ANKRD55: variants seen among roughly 807,000 people sequenced by gnomAD.
The protein encoded by ANKRD55 is ankyrin repeat domain-containing protein 55.
A neutral mutation model predicts 60.6 loss-of-function variants in ANKRD55; 41 were observed. That is an observed-to-expected ratio of 0.68 (90% CI 0.53 to 0.88). ANKRD55 has a LOEUF of 0.88. Among genes scored for constraint, ANKRD55 ranks in the 40% least tolerant of loss-of-function variants. The pLI is 0.00. For synonymous variants in ANKRD55, 264 were observed against 290.3 expected (o/e 0.91, Z 0.92); for missense variants, 732 against 767.6 (o/e 0.95, Z 0.55).
At position 56,159,866 on chromosome 5, in the gene ANKRD55, C is replaced by T. The variant is rs747861739; in HGVS notation, c.450G>A (p.Ser150=). The T allele has an allele frequency of 9.9e-6, 16 of 1,613,474 alleles. No homozygotes were observed. Among genetic ancestry groups the T allele is most frequent in the East Asian group, 2.2e-5 (1 of 44,888 alleles). The change falls in exon 6 of 12, where the codon TCG becomes TCA. Residue 150 remains serine (S), a synonymous_variant. Transcript: ENST00000341048. ...CCTGGTGATTAATCTCGCTGATGTT[C>T]GACTGTTGCAACAGGACCGTGAGGA... ...MRLLTVLLQQ[S]NISEINHQDN... is the part of the protein sequence containing the mutation.
intron 6 of ANKRD55, among the ~76,000 whole-genome samples, chr5:56,153,020 A>C (rs1417408481): frequency 1.3e-5 from 2 of 152,184 alleles, no homozygotes; most frequent in Non-Finnish European, 2.9e-5. Context: ...AGCCTACGAA[A>C]AAGTATTTAC....
intron 6 of ANKRD55, among the ~76,000 whole-genome samples, chr5:56,159,612 C>A (rs1758275394): frequency 6.6e-6 from 1 of 152,182 alleles, no homozygotes; most frequent in African/African-American, 2.4e-5. Context: ...GTACTTAATG[C>A]AATAAAGTCC....
chr5:56,193,453 G>C, intron 2 of ANKRD55: 1 of 509,112 alleles, frequency 2.0e-6, no homozygotes, highest in Non-Finnish European at 3.6e-6. Context: ...TTGCTGTTCC[G>C]ATCTTGCAGT....
chr5:56,117,341 TG>T (rs1445394295), intron 8 of ANKRD55, among the ~76,000 whole-genome samples: 3 of 152,360 alleles, frequency 2.0e-5, no homozygotes, highest in African/African-American at 7.2e-5. Flanking sequence ...AAAGTATAAG[TG>T]TTTTTCTTAC....
intron 5 of ANKRD55, among the ~76,000 whole-genome samples, chr5:56,168,813 G>C (rs1758543263): frequency 6.6e-6 from 1 of 152,170 alleles, no homozygotes; most frequent in Admixed American, 6.5e-5. Context: ...CATGTGGCAG[G>C]GAGCCACCTA....
chr5:56,121,965 C>T, intron 8 of ANKRD55, among the ~76,000 whole-genome samples: 1 of 152,136 alleles, frequency 6.6e-6, no homozygotes, highest in East Asian at 1.9e-4. Flanking sequence ...GGATGAAGGA[C>T]TCTGCCTGTG....
chr5:56,191,673 G>A (rs1028275683), intron 2 of ANKRD55, among the ~76,000 whole-genome samples: 1 of 152,158 alleles, frequency 6.6e-6, no homozygotes, highest in Admixed American at 6.5e-5. Flanking sequence ...TTGGCTAGAT[G>A]ACCACCAAAC....
At chr5:56,173,582 C>CTCTATATATATATA (rs1484157730) in intron 4 of ANKRD55, among the ~76,000 whole-genome samples, 2 of 45,244 alleles carry the variant, frequency 4.4e-5, no homozygotes, top group African/African-American at 1.7e-4. Flanking sequence ...CTCTCTCTCT[C>CTCTATATATATATA]TATATATATA....
intron 7 of ANKRD55, among the ~76,000 whole-genome samples, chr5:56,130,543 A>G (rs1409528623): frequency 2.0e-5 from 3 of 152,170 alleles, no homozygotes; most frequent in Non-Finnish European, 4.4e-5. Context: ...CTAAAGCGCT[A>G]TTTACAGGAG....
chr5:56,153,622 G>A (rs1054617487), intron 6 of ANKRD55, among the ~76,000 whole-genome samples: 7 of 151,976 alleles, frequency 4.6e-5, no homozygotes, highest in Non-Finnish European at 2.9e-5. Context: ...GGTGGATCAC[G>A]AGGTCAGGAG....
At chr5:56,120,596 C>T (rs1757014462) in intron 8 of ANKRD55, among the ~76,000 whole-genome samples, 1 of 152,168 alleles carries the variant, frequency 6.6e-6, no homozygotes, top group Admixed American at 6.5e-5. Flanking sequence ...AGGTGGTCCC[C>T]CTTCAATGGA....
intron 6 of ANKRD55, among the ~76,000 whole-genome samples, chr5:56,145,982 G>A (rs1288506474): frequency 6.6e-6 from 1 of 152,072 alleles, no homozygotes; most frequent in Non-Finnish European, 1.5e-5. Flanking sequence ...TGGGCACACT[G>A]GGGTTAGAAA....
intron 2 of ANKRD55, among the ~76,000 whole-genome samples, chr5:56,221,029 T>C (rs561981408): frequency 9.2e-5 from 14 of 152,332 alleles, no homozygotes; most frequent in African/African-American, 3.4e-4. Flanking sequence ...CTTGTCTTTA[T>C]TTATCTGGAC....
At chr5:56,224,117 C>T (rs1358492146) in intron 2 of ANKRD55, among the ~76,000 whole-genome samples, 11 of 152,148 alleles carry the variant, frequency 7.2e-5, no homozygotes, top group Admixed American at 6.5e-4. Context: ...TGTAAAAGAA[C>T]AGAAATTATA....
At chr5:56,231,696 CAT>C (rs1370627073) in intron 2 of ANKRD55, among the ~76,000 whole-genome samples, 37 of 144,028 alleles carry the variant, frequency 2.6e-4, no homozygotes, top group African/African-American at 7.9e-4. Context: ...CACACACACA[CAT>C]ACACATACAC....
At chr5:56,229,110 T>TCC (rs1554044821) in intron 2 of ANKRD55, among the ~76,000 whole-genome samples, 1 of 148,792 alleles carries the variant, frequency 6.7e-6, no homozygotes, top group African/African-American at 2.5e-5. Flanking sequence ...TTTTTTTTTT[T>TCC]CCCTGTTTTC....
chr5:56,212,091 C>T lies in ANKRD55; in HGVS notation c.58+20765G>A, dbSNP rs539976506. Among the ~76,000 whole-genome samples the T allele has an allele frequency of 4.4e-3, 316 of 72,028 alleles. 2 individuals are homozygous for T. The Middle Eastern group carries it at 0.078, about 18-fold the overall frequency. 47.3% of individuals were successfully genotyped at this position (72,028 alleles called of 152,430 possible). A position where few individuals can be genotyped will look rare whatever the true frequency, so the allele number is the denominator to read the frequency against. On this transcript the variant is annotated intron_variant, in intron 2 of 11. Transcript: ENST00000341048. The stretch of plus-strand genomic sequence containing the variant: ...ACACACACACACACACACACACACG[C>T]GTACCTATAGACCAATTCGGTTTGT...
intron 7 of ANKRD55, chr5:56,137,561 G>T: frequency 6.2e-6 from 4 of 647,374 alleles, no homozygotes; most frequent in Admixed American, 2.4e-5. Flanking sequence ...GCAATTAAAA[G>T]TAAAAGAAAA....
intron 7 of ANKRD55, 131 bp from the exon 8 acceptor site, chr5:56,127,237 G>A: frequency 2.3e-6 from 3 of 1,299,040 alleles, no homozygotes; most frequent in South Asian, 5.7e-5. Context: ...AAAGAGAAAA[G>A]GAAATGGAAA....
Sources: gnomAD v4.1 joint callset for allele counts (sites outside exome capture counted in the v4.1 genomes callset) on GRCh38, gnomAD v4.1.1 for gene constraint, MANE v1.5 for transcripts, NCBI Gene and HGNC (gene_info 2026-07-23, HGNC 2026-07-21) for gene names.